The following RIMS2 variants were observed in gnomAD, a reference collection of about 807,000 sequenced individuals.
RIMS2 encodes the protein regulating synaptic membrane exocytosis 2.
A neutral mutation model predicts 174.4 loss-of-function variants in RIMS2; 59 were observed. The observed-to-expected ratio is 0.34, with a 90% CI of 0.27 to 0.42. RIMS2 has a LOEUF of 0.42. Ranked by LOEUF, RIMS2 falls within the 10% of genes least tolerant of loss-of-function variation. The pLI, the probability that RIMS2 is intolerant of heterozygous loss-of-function variation, is 1.00. For missense variants in RIMS2, 1,620 were observed against 1,666.3 expected (o/e 0.97, Z 0.48); for synonymous variants, 606 against 572.5 (o/e 1.06, Z -0.84).
intron 14 of RIMS2, among the ~76,000 whole-genome samples, chr8:103,951,008 A>G (rs2085215868): frequency 1.3e-5 from 2 of 152,352 alleles, no homozygotes; most frequent in South Asian, 4.1e-4. Flanking sequence ...CCACATCAAA[A>G]AGTCAATTCA....
intron 3 of RIMS2, among the ~76,000 whole-genome samples, chr8:103,881,486 C>T (rs1377600088): frequency 6.6e-6 from 1 of 151,408 alleles, no homozygotes; most frequent in African/African-American, 2.4e-5. Context: ...CCCTGGATGC[C>T]TTTGGGAAAT....
chr8:103,866,818 C>A (rs960807760), intron 3 of RIMS2, among the ~76,000 whole-genome samples: 4 of 151,926 alleles, frequency 2.6e-5, no homozygotes, highest in African/African-American at 4.8e-5. Context: ...ATCTTATAAC[C>A]ACATTTTTTG....
intron 1 of RIMS2, among the ~76,000 whole-genome samples, chr8:103,610,313 G>A (rs762841195): frequency 3.9e-5 from 6 of 152,052 alleles, no homozygotes; most frequent in Non-Finnish European, 8.8e-5. Context: ...CTATTTGGAT[G>A]CCTTTTATTT....
At chr8:103,546,509 A>T (rs1845174043) in intron 1 of RIMS2, among the ~76,000 whole-genome samples, 2 of 152,178 alleles carry the variant, frequency 1.3e-5, no homozygotes, top group African/African-American at 4.8e-5. Context: ...TGTGACCTGA[A>T]CTCAACATTT....
chr8:103,552,695 A>G (rs566482875), intron 1 of RIMS2, among the ~76,000 whole-genome samples: 3 of 152,370 alleles, frequency 2.0e-5, no homozygotes, highest in South Asian at 2.1e-4. Context: ...CAATCTACCC[A>G]TATGACAAAG....
intron 1 of RIMS2, among the ~76,000 whole-genome samples, chr8:103,591,694 A>C (rs2094267779): frequency 1.3e-5 from 2 of 151,104 alleles, no homozygotes; most frequent in South Asian, 4.1e-4. Context: ...GGAGTGCTTC[A>C]GTGTTTTTGT....
chr8:104,212,962 AT>A (rs1344672171), intron 19 of RIMS2, among the ~76,000 whole-genome samples: 1 of 151,998 alleles, frequency 6.6e-6, no homozygotes, highest in Non-Finnish European at 1.5e-5. Context: ...CTTTAACTCA[AT>A]TTTTTCTTTA....
chr8:103,604,411 A>G (rs1250813871), intron 1 of RIMS2, among the ~76,000 whole-genome samples: 2 of 152,152 alleles, frequency 1.3e-5, no homozygotes, highest in Non-Finnish European at 2.9e-5. Flanking sequence ...GCCTTGTAGT[A>G]TAGTTTGAAG....
At chr8:104,099,907 C>A (rs1456215400) in intron 19 of RIMS2, among the ~76,000 whole-genome samples, 1 of 151,526 alleles carries the variant, frequency 6.6e-6, no homozygotes, top group African/African-American at 2.4e-5. Context: ...GCCTCTGTCT[C>A]CCCAGGCTCA....
intron 19 of RIMS2, among the ~76,000 whole-genome samples, chr8:104,181,717 G>T (rs1357741054): frequency 6.6e-6 from 1 of 151,388 alleles, no homozygotes; most frequent in African/African-American, 2.4e-5. Flanking sequence ...TGAAAATAAT[G>T]GCACATTTTA....
chr8:104,092,619 C>A (rs1443909877), intron 19 of RIMS2, among the ~76,000 whole-genome samples: 1 of 151,650 alleles, frequency 6.6e-6, no homozygotes, highest in Non-Finnish European at 1.5e-5. Context: ...TTTAAGAAGC[C>A]TTTTACAGGT....
At chr8:103,966,964 T>C (rs1438859480) in intron 15 of RIMS2, among the ~76,000 whole-genome samples, 1 of 152,012 alleles carries the variant, frequency 6.6e-6, no homozygotes, top group Non-Finnish European at 1.5e-5. Flanking sequence ...AGCAGCATTG[T>C]ATGTTTTAAA....
intron 1 of RIMS2, among the ~76,000 whole-genome samples, chr8:103,555,781 C>T (rs560487796): frequency 2.2e-5 from 3 of 138,340 alleles, no homozygotes; most frequent in Middle Eastern, 3.8e-3. Flanking sequence ...GGTGTCAGAG[C>T]GAGACCCTCT....
chr8:104,085,120 T>C (rs1299996101), intron 19 of RIMS2, among the ~76,000 whole-genome samples: 2 of 152,226 alleles, frequency 1.3e-5, no homozygotes, highest in Non-Finnish European at 2.9e-5. Flanking sequence ...CAGCTGTTTA[T>C]AACAAAACAC....
rs142585060 is a variant in RIMS2 at position 103,782,865 on chromosome 8, A to G, written c.698+16328A>G. Among the ~76,000 whole-genome samples, 201 of 152,228 alleles carry G rather than the reference A, an allele frequency of 1.3e-3. 1 individual carries two copies. The highest frequency in any genetic ancestry group is 4.4e-3 in the African/African-American group (182 of 41,546). Reference sequence around the variant, plus strand: ...ATTTACATGGATTTTTAGCATCTCCATTTATATTATAGAAAATAACTCTTT... The same window carrying G: ...ATTTACATGGATTTTTAGCATCTCCGTTTATATTATAGAAAATAACTCTTT... On this transcript the variant is annotated intron_variant, in intron 3 of 23. Transcript: ENST00000504942.
At chr8:104,085,197 G>T (rs145359791) in intron 19 of RIMS2, among the ~76,000 whole-genome samples, 4 of 152,248 alleles carry the variant, frequency 2.6e-5, no homozygotes, top group Admixed American at 1.3e-4. Context: ...ACAGCCCAGG[G>T]CTGGTACTAT....
chr8:104,217,614 C>T (rs993972473), intron 19 of RIMS2, among the ~76,000 whole-genome samples: 4 of 152,084 alleles, frequency 2.6e-5, no homozygotes, highest in African/African-American at 7.2e-5. Context: ...AGTTTCGGGT[C>T]GACCAGCTAC....
At chr8:103,936,870 C>G in intron 13 of RIMS2, 148 bp downstream of exon 15, 1 of 491,854 alleles carries the variant, frequency 2.0e-6, no homozygotes, top group South Asian at 3.4e-5. Flanking sequence ...CCGAGGGGGG[C>G]GGATCACGAG....
At chr8:103,790,666 C>T (rs1253648576) in intron 3 of RIMS2, among the ~76,000 whole-genome samples, 1 of 152,166 alleles carries the variant, frequency 6.6e-6, no homozygotes, top group Middle Eastern at 3.4e-3. Context: ...CCCTAATGAC[C>T]AGTGATGTTG....
Sources: allele counts gnomAD v4.1 joint callset (sites outside exome capture counted in the v4.1 genomes callset), GRCh38; gene constraint gnomAD v4.1.1; transcripts MANE v1.5; gene names NCBI Gene and HGNC (gene_info 2026-07-23, HGNC 2026-07-21).